The following UBE2E1 variants were observed in gnomAD, a reference collection of about 807,000 sequenced individuals.
The protein encoded by UBE2E1 is ubiquitin conjugating enzyme E2 E1.
UBE2E1 carries 6 observed loss-of-function variants against 21.4 expected under a neutral mutation model. The observed-to-expected ratio is 0.28, with a 90% CI of 0.15 to 0.55. The LOEUF (loss-of-function observed/expected upper bound fraction) is 0.55. UBE2E1 is among the 20% of genes least tolerant of loss of function. The pLI, the probability that UBE2E1 is intolerant of heterozygous loss-of-function variation, is 0.93. For missense variants in UBE2E1, 142 were observed against 236.5 expected (o/e 0.60, Z 2.62); for synonymous variants, 87 against 82.7 (o/e 1.05, Z -0.28).
At chr3:23,881,975 G>C (rs1041122082) in intron 3 of UBE2E1, among the ~76,000 whole-genome samples, 4 of 152,170 alleles carry the variant, frequency 2.6e-5, no homozygotes, top group African/African-American at 7.2e-5. Flanking sequence ...TCCTTCTGGT[G>C]GGTTCGTGGT....
intron 3 of UBE2E1, among the ~76,000 whole-genome samples, chr3:23,869,282 T>C (rs1400450760): frequency 7.2e-5 from 11 of 151,818 alleles, no homozygotes; most frequent in African/African-American, 2.7e-4. Context: ...TTTAAATTAG[T>C]CAAGATATTA....
chr3:23,817,298 C>T (rs369861132), intron 3 of UBE2E1, among the ~76,000 whole-genome samples: 6 of 151,450 alleles, frequency 4.0e-5, no homozygotes, highest in Admixed American at 1.3e-4. Context: ...GACGCGCGCC[C>T]GTAATCCCAG....
intron 3 of UBE2E1, among the ~76,000 whole-genome samples, chr3:23,875,809 G>A (rs1185480723): frequency 1.3e-5 from 2 of 152,214 alleles, no homozygotes; most frequent in African/African-American, 2.4e-5. Context: ...GTCTCGCTCT[G>A]TCGCCCAGGC....
intron 3 of UBE2E1, among the ~76,000 whole-genome samples, chr3:23,813,349 G>A (rs999803498): frequency 6.6e-6 from 1 of 152,154 alleles, no homozygotes; most frequent in African/African-American, 2.4e-5. Context: ...CAGTGGGGCC[G>A]TTTGAGTAAT....
intron 3 of UBE2E1, among the ~76,000 whole-genome samples, chr3:23,864,654 T>C (rs1460172642): frequency 6.6e-6 from 1 of 152,238 alleles, no homozygotes; most frequent in Non-Finnish European, 1.5e-5. Context: ...TATTAATAAG[T>C]TTATTTTGAA....
rs1484032178 is a variant in UBE2E1 at position 23,870,994 on chromosome 3, G to C, written c.204-16573G>C. ...TGTTTCAGAGGGCACAGGGTTGGGGGTAAGGTCACAGATCAACAGGATCCC... is the reference window on the plus strand; with the variant it reads ...TGTTTCAGAGGGCACAGGGTTGGGGCTAAGGTCACAGATCAACAGGATCCC... On this transcript the variant is annotated intron_variant, in intron 3 of 5. Coordinates refer to ENST00000306627, the MANE Select transcript of UBE2E1 (RefSeq NM_003341.5). This position sits in a 1 kb window ranked among gnomAD's most constrained non-coding sequence, Gnocchi z 4.2. 6.6e-6 allele frequency among the ~76,000 whole-genome samples: 1 copy of C among 152,206 alleles called. No homozygotes were observed. The highest frequency in any genetic ancestry group is 1.9e-4 in the East Asian group (1 of 5,198).
At chr3:23,867,081 CTCTT>C (rs201187891) in intron 3 of UBE2E1, among the ~76,000 whole-genome samples, 4,552 of 144,504 alleles carry the variant, frequency 0.032, 104 homozygotes, top group Non-Finnish European at 0.049. Context: ...TTTTTTTTTT[CTCTT>C]TGTTTGTTTT....
chr3:23,825,990 T>C (rs1699750006), intron 3 of UBE2E1, among the ~76,000 whole-genome samples: 1 of 152,140 alleles, frequency 6.6e-6, no homozygotes, highest in Admixed American at 6.5e-5. Flanking sequence ...TGGTGTGTAC[T>C]ATGATTGCAC....
At chr3:23,883,927 T>C (rs1701114900) in intron 3 of UBE2E1, among the ~76,000 whole-genome samples, 1 of 145,824 alleles carries the variant, frequency 6.9e-6, no homozygotes, top group Non-Finnish European at 1.5e-5. Context: ...AAAAAAAGTT[T>C]GATATTCAGG....
chr3:23,884,096 C>G (rs1435812925), intron 3 of UBE2E1, among the ~76,000 whole-genome samples: 1 of 152,030 alleles, frequency 6.6e-6, no homozygotes, highest in Non-Finnish European at 1.5e-5. Flanking sequence ...TTATATTGCA[C>G]CTTTATTCTC....
At chr3:23,890,200 C>A (rs1198292451) in intron 5 of UBE2E1, among the ~76,000 whole-genome samples, 1 of 152,150 alleles carries the variant, frequency 6.6e-6, no homozygotes, top group African/African-American at 2.4e-5. Flanking sequence ...CCGTTCCAGT[C>A]TCTACTGAAC....
intron 3 of UBE2E1, among the ~76,000 whole-genome samples, chr3:23,812,644 A>G (rs960030295): frequency 1.3e-5 from 2 of 152,230 alleles, no homozygotes; most frequent in Admixed American, 6.5e-5. Context: ...CTCTTAAACT[A>G]TAGTTTATAA....
chr3:23,854,585 A>G (rs962826832), intron 3 of UBE2E1, among the ~76,000 whole-genome samples: 1 of 152,168 alleles, frequency 6.6e-6, no homozygotes, highest in African/African-American at 2.4e-5. Context: ...TCAGGTATCT[A>G]TACTTGTAAC....
chr3:23,887,367 C>T lies in UBE2E1; in HGVS notation c.204-200C>T, dbSNP rs1701211888. ...CTAGGTAGGCTTAGAATGGTTTTAA[C>T]ATTCTTTTATCATCCAGTTTGCTTG... On this transcript the variant is annotated intron_variant, in intron 3 of 5. Transcript: ENST00000306627. The surrounding 1 kb of genome is among the most constrained non-coding windows in gnomAD (Gnocchi z 4.4). 1.3e-5 allele frequency among the ~76,000 whole-genome samples: 2 copies of T among 152,206 alleles called. No homozygotes were observed. Among genetic ancestry groups the T allele is most frequent in the Admixed American group, 1.3e-4 (2 of 15,288 alleles).
rs1181156013 is a variant in UBE2E1, at chr3:23,808,149, TC to T, written c.152+731del. ...CCTTATTTTTTCAATTTAAGTGGTCTCCCTTTTACTTTATTCTTTTCCTCTT... is the reference window on the plus strand; with the variant it reads ...CCTTATTTTTTCAATTTAAGTGGTCTCCTTTTACTTTATTCTTTTCCTCTT... On this transcript the variant is annotated intron_variant, in intron 2 of 5. Coordinates refer to ENST00000306627, the MANE Select transcript of UBE2E1 (RefSeq NM_003341.5). The surrounding 1 kb of genome is among the most constrained non-coding windows in gnomAD (Gnocchi z 4.9). Among the ~76,000 whole-genome samples, 43 of 152,348 alleles carry T rather than the reference TC, an allele frequency of 2.8e-4. No individual in the cohort carries two copies. The highest frequency in any genetic ancestry group is 5.2e-4 in the Admixed American group (8 of 15,314).
At chr3:23,832,703 C>T (rs1414649625) in intron 3 of UBE2E1, among the ~76,000 whole-genome samples, 2 of 152,110 alleles carry the variant, frequency 1.3e-5, no homozygotes, top group Non-Finnish European at 2.9e-5. Flanking sequence ...CCACTGCGCT[C>T]CAGCCTGGAC....
chr3:23,813,362 G>A (rs894009834), intron 3 of UBE2E1, among the ~76,000 whole-genome samples: 7 of 152,126 alleles, frequency 4.6e-5, no homozygotes, highest in Non-Finnish European at 8.8e-5. Flanking sequence ...TGAGTAATGT[G>A]AATTAAAATT....
In UBE2E1 at chr3:23,810,338, G is replaced by C. The variant is rs1699357380; in HGVS notation, c.153-1122G>C. 2.5e-5 allele frequency: 30 copies of C among 1,205,522 alleles called. No homozygotes were observed. Among genetic ancestry groups the C allele is most frequent in the Non-Finnish European group, 3.3e-5 (28 of 850,384 alleles). 74.7% of individuals were successfully genotyped at this position (1,205,522 alleles called of 1,614,324 possible). On this transcript the variant is annotated intron_variant, in intron 2 of 5. Coordinates refer to ENST00000306627, the MANE Select transcript of UBE2E1 (RefSeq NM_003341.5). This position sits in a 1 kb window ranked among gnomAD's most constrained non-coding sequence, Gnocchi z 5.8. Reference sequence around the variant, plus strand: ...GTGCCTAGGTAAGCAAAAGACAAAGGCCAGGGCTTGGTGTGAACTGCCTGG... The same window carrying C: ...GTGCCTAGGTAAGCAAAAGACAAAGCCCAGGGCTTGGTGTGAACTGCCTGG...
chr3:23,828,801 A>G (rs865919560), intron 3 of UBE2E1, among the ~76,000 whole-genome samples: 4 of 152,234 alleles, frequency 2.6e-5, no homozygotes, highest in South Asian at 2.1e-4. Flanking sequence ...TCATAGTTCA[A>G]TTTCATCTAA....
Sources: allele counts gnomAD v4.1 joint callset (sites outside exome capture counted in the v4.1 genomes callset), GRCh38; gene constraint gnomAD v4.1.1; non-coding constraint Gnocchi (gnomAD v3.1); transcripts MANE v1.5; gene names NCBI Gene and HGNC (gene_info 2026-07-23, HGNC 2026-07-21).